The following VAC14 variants were observed in gnomAD, a reference collection of about 807,000 sequenced individuals.
VAC14 encodes the protein VAC14 component of PIKFYVE complex.
Under a neutral mutation model 85.3 loss-of-function variants are expected in VAC14, and 47 were observed. That is an observed-to-expected ratio of 0.55 (90% CI 0.44 to 0.70). The LOEUF (loss-of-function observed/expected upper bound fraction) is 0.70, where lower values mean the gene tolerates loss of function less well. Among genes scored for constraint, VAC14 ranks in the 30% least tolerant of loss-of-function variants. VAC14 has a pLI of 0.00. For synonymous variants in VAC14, 447 were observed against 430.5 expected (o/e 1.04, Z -0.47); for missense variants, 861 against 1,004.3 (o/e 0.86, Z 1.93).
chr16:70,739,203 G>A (rs1375935456), intron 13 of VAC14, among the ~76,000 whole-genome samples: 1 of 152,236 alleles, frequency 6.6e-6, no homozygotes, highest in Non-Finnish European at 1.5e-5. Flanking sequence ...CTTGTCCGAG[G>A]TCACGGGATG....
At chr16:70,746,447 G>A (rs1054023723) in intron 12 of VAC14, among the ~76,000 whole-genome samples, 1 of 152,218 alleles carries the variant, frequency 6.6e-6, no homozygotes, top group Non-Finnish European at 1.5e-5. Context: ...GGCTGTAAAG[G>A]TGAGTCACAG....
rs964427165 is a variant in VAC14, at chr16:70,772,097, C to T, written c.1160+12G>A. 1.2e-6 allele frequency: 2 copies of T among 1,613,548 alleles called. No individual in the cohort carries two copies. Among genetic ancestry groups the T allele is most frequent in the African/African-American group, 2.7e-5 (2 of 74,914 alleles). On this transcript the variant is annotated intron_variant, in intron 10 of 18. Coordinates refer to ENST00000261776, the MANE Select transcript of VAC14 (RefSeq NM_018052.5). ...CTTTCCACAAACCTTCTGGCTGAAA[C>T]AAGCCACTTACCTGGCTGCAGTGAA...
At chr16:70,719,521 C>A (rs987347666) in intron 14 of VAC14, among the ~76,000 whole-genome samples, 1 of 152,014 alleles carries the variant, frequency 6.6e-6, no homozygotes, top group African/African-American at 2.4e-5. Context: ...AGGACTTCCA[C>A]AAATCAATAA....
chr16:70,738,452 T>A lies in VAC14; in HGVS notation c.1528+5971A>T, dbSNP rs145752230. ...GCCGATGGGATGCAGCAGGGCCCAG[T>A]GGGGACTTCCAGCTGACGCGGCAGT... On this transcript the variant is annotated intron_variant, in intron 13 of 18. Coordinates refer to ENST00000261776, the MANE Select transcript of VAC14 (RefSeq NM_018052.5). Among the ~76,000 whole-genome samples the A allele has an allele frequency of 5.7e-3, 867 of 151,998 alleles. 4 individuals carry two copies. The highest frequency in any genetic ancestry group is 1.0e-2 in the Non-Finnish European group (677 of 67,930).
At chr16:70,793,312 C>T (rs369516032) in intron 1 of VAC14, among the ~76,000 whole-genome samples, 16 of 152,308 alleles carry the variant, frequency 1.1e-4, no homozygotes, top group African/African-American at 2.9e-4. Context: ...TGCCAGGCAA[C>T]GTGCTGCATG....
chr16:70,762,725 G>T lies in VAC14; in HGVS notation c.1306-120C>A. ...GTCTGCACGGACCACTTCCCTCCCCGACACAATGAGGGCTCCTCGCAGCAC... is the reference window on the plus strand; with the variant it reads ...GTCTGCACGGACCACTTCCCTCCCCTACACAATGAGGGCTCCTCGCAGCAC... On this transcript the variant is annotated intron_variant, in intron 11 of 18. Transcript: ENST00000261776. This position sits in a 1 kb window ranked among gnomAD's most constrained non-coding sequence, Gnocchi z 4.1. 1 of 1,486,862 alleles carries T rather than the reference G, an allele frequency of 6.7e-7. No homozygotes were observed. The highest frequency in any genetic ancestry group is 1.2e-5 in the South Asian group (1 of 83,682). 92.1% of individuals were successfully genotyped at this position (1,486,862 alleles called of 1,614,324 possible).
intron 12 of VAC14, chr16:70,746,999 C>T (rs564763825): frequency 6.6e-6 from 1 of 152,198 alleles, no homozygotes; most frequent in Non-Finnish European, 1.5e-5. Context: ...ACCAAGAGAA[C>T]TGCAAACGTC....
intron 14 of VAC14, among the ~76,000 whole-genome samples, chr16:70,704,249 C>T (rs955025888): frequency 9.8e-5 from 15 of 152,366 alleles, no homozygotes; most frequent in African/African-American, 2.9e-4. Context: ...TGGCCAGTCA[C>T]GCCCTAAGGT....
chr16:70,766,313 T>G (rs193194572), intron 10 of VAC14: 1 of 365,526 alleles, frequency 2.7e-6, no homozygotes, highest in Non-Finnish European at 5.5e-6. Context: ...CCTAAGATGC[T>G]GCTGGCCAGC....
chr16:70,718,453 T>C (rs2054213949), intron 14 of VAC14, among the ~76,000 whole-genome samples: 1 of 151,288 alleles, frequency 6.6e-6, no homozygotes, highest in African/African-American at 2.4e-5. Flanking sequence ...GCGCCTGTAG[T>C]CCCAACTACT....
At chr16:70,791,643 C>T (rs1195925911) in intron 1 of VAC14, among the ~76,000 whole-genome samples, 4 of 152,180 alleles carry the variant, frequency 2.6e-5, no homozygotes, top group South Asian at 2.1e-4. Context: ...ACCTTGGCCT[C>T]GTAAGTGCTG....
intron 9 of VAC14, chr16:70,772,459 A>G (rs2033288590): frequency 5.6e-6 from 2 of 354,662 alleles, no homozygotes; most frequent in African/African-American, 2.1e-5. Context: ...AGGGGAATGG[A>G]TGTTTAAAAT....
At chr16:70,780,723 A>T in intron 9 of VAC14, 67 bp downstream of exon 9, 1 of 1,509,616 alleles carries the variant, frequency 6.6e-7, no homozygotes, top group African/African-American at 1.4e-5. Context: ...CCCCAAGGCA[A>T]CTCCTATGAC....
intron 9 of VAC14, among the ~76,000 whole-genome samples, chr16:70,775,556 C>T (rs528394945): frequency 6.6e-5 from 10 of 152,204 alleles, no homozygotes; most frequent in Non-Finnish European, 1.5e-4. Flanking sequence ...AGACCCAGGA[C>T]GCAGCTCAGA....
chr16:70,787,451 G>T (rs2034118638), intron 1 of VAC14, among the ~76,000 whole-genome samples: 1 of 152,206 alleles, frequency 6.6e-6, no homozygotes, highest in Admixed American at 6.5e-5. Context: ...GGAGGGAGGG[G>T]CTGCTGGTCA....
At chr16:70,753,531 C>T (rs1335194798) in intron 12 of VAC14, among the ~76,000 whole-genome samples, 2 of 152,214 alleles carry the variant, frequency 1.3e-5, no homozygotes, top group African/African-American at 4.8e-5. Flanking sequence ...CCTAGGGCTG[C>T]ATGGAGAGGG....
At chr16:70,697,447 A>C (rs2053736542) in intron 15 of VAC14, among the ~76,000 whole-genome samples, 190 bp from the exon 16 acceptor site, 1 of 152,132 alleles carries the variant, frequency 6.6e-6, no homozygotes, top group Non-Finnish European at 1.5e-5. Context: ...TCCTTCGCAG[A>C]CCCTGTCATT....
intron 16 of VAC14, chr16:70,696,875 A>G (rs2142991481): frequency 2.4e-6 from 1 of 411,454 alleles, no homozygotes; most frequent in African/African-American, 2.0e-5. Context: ...GGCTGGGCCT[A>G]CTCAGTCCCA....
At chr16:70,768,774 G>A (rs939544745) in intron 10 of VAC14, 18 of 452,228 alleles carry the variant, frequency 4.0e-5, no homozygotes, top group Admixed American at 2.6e-4. Context: ...ACCCCTGAAA[G>A]TGAATTCAGA....
Sources: allele counts gnomAD v4.1 joint callset (sites outside exome capture counted in the v4.1 genomes callset), GRCh38; gene constraint gnomAD v4.1.1; non-coding constraint Gnocchi (gnomAD v3.1); transcripts MANE v1.5; gene names NCBI Gene and HGNC (gene_info 2026-07-23, HGNC 2026-07-21).